Variants in ZEB2 observed in about 807,000 individuals in gnomAD.
ZEB2 encodes the protein zinc finger E-box binding homeobox 2.
Under a neutral mutation model 99.9 loss-of-function variants are expected in ZEB2, and 6 were observed. The observed-to-expected ratio is 0.06, with a 90% CI of 0.03 to 0.12. ZEB2 has a LOEUF of 0.12. Ranked by LOEUF, ZEB2 falls within the 10% of genes least tolerant of loss-of-function variation. The pLI, the probability that ZEB2 is intolerant of heterozygous loss-of-function variation, is 1.00. For missense variants in ZEB2, 969 were observed against 1,502.8 expected (o/e 0.64, Z 5.87); for synonymous variants, 517 against 542.5 (o/e 0.95, Z 0.65).
chr2:144,413,547 T>C (rs938284074), intron 4 of ZEB2, among the ~76,000 whole-genome samples: 2 of 152,216 alleles, frequency 1.3e-5, no homozygotes, highest in African/African-American at 2.4e-5. Flanking sequence ...TTCTCCACCT[T>C]ATTTTTAAAA....
chr2:144,432,291 A>T (rs1703784255), intron 2 of ZEB2, among the ~76,000 whole-genome samples: 1 of 152,160 alleles, frequency 6.6e-6, no homozygotes, highest in South Asian at 2.1e-4. Flanking sequence ...AATAGTAGTA[A>T]ATACTTTTAA....
Position 144,385,480 on chromosome 2 carries a change from A to G in ZEB2, c.*3971T>C, listed in dbSNP as rs1703069646. 6.6e-6 allele frequency: 1 copy of G among 152,182 alleles called. No homozygotes were observed. Among genetic ancestry groups the G allele is most frequent in the Non-Finnish European group, 1.5e-5 (1 of 68,026 alleles). The allele number at this position is 152,182 out of a possible 1,614,324, so 9.4% of individuals were successfully genotyped here. A position where few individuals can be genotyped will look rare whatever the true frequency, so the allele number is the denominator to read the frequency against. ...GATGAACATGCAATGTGAGATTCAA[A>G]TAATTGCATTGAGCATGTTTATTTG... On this transcript the variant is annotated 3_prime_UTR_variant, in exon 10 of 10. Transcript: ENST00000627532.
chr2:144,406,886 T>C (rs1275502172), intron 4 of ZEB2, among the ~76,000 whole-genome samples: 1 of 152,140 alleles, frequency 6.6e-6, no homozygotes, highest in Non-Finnish European at 1.5e-5. Context: ...AAAGATACTG[T>C]TAAGGAATTG....
intron 4 of ZEB2, 141 bp downstream of exon 4, chr2:144,424,655 A>C: frequency 9.9e-7 from 1 of 1,009,584 alleles, no homozygotes; most frequent in East Asian, 2.5e-5. Flanking sequence ...TTTTGATTTG[A>C]AACAAAACCA....
chr2:144,420,095 A>G (rs1257439601), intron 4 of ZEB2, among the ~76,000 whole-genome samples: 1 of 152,150 alleles, frequency 6.6e-6, no homozygotes, highest in East Asian at 1.9e-4. Context: ...TCATTCATTG[A>G]TTCATTCATT....
At chr2:144,504,673 T>TAA (rs1704928487) in intron 2 of ZEB2, 1 of 152,194 alleles carries the variant, frequency 6.6e-6, no homozygotes, top group Non-Finnish European at 1.5e-5. Context: ...AGACAAGGGC[T>TAA]TTTCACGTGT....
chr2:144,482,378 T>C (rs1445257824), intron 2 of ZEB2: 1 of 152,232 alleles, frequency 6.6e-6, no homozygotes, highest in African/African-American at 2.4e-5. Context: ...TTAATATCAT[T>C]TCTCCTCCTC....
intron 2 of ZEB2, among the ~76,000 whole-genome samples, chr2:144,507,728 A>C (rs1704970250): frequency 6.6e-6 from 1 of 152,178 alleles, no homozygotes; most frequent in Non-Finnish European, 1.5e-5. Context: ...ATCTGATGAC[A>C]CAGTGATCAT....
chr2:144,481,014 A>C (rs565210670), intron 2 of ZEB2, among the ~76,000 whole-genome samples: 4 of 152,208 alleles, frequency 2.6e-5, no homozygotes, highest in African/African-American at 9.6e-5. Flanking sequence ...TGTTAGTACC[A>C]CAATACATTG....
chr2:144,414,019 G>C (rs1560613792), intron 4 of ZEB2, among the ~76,000 whole-genome samples: 1 of 152,168 alleles, frequency 6.6e-6, no homozygotes, highest in Non-Finnish European at 1.5e-5. Context: ...TTAATTGCTG[G>C]CTAGGCTGCC....
chr2:144,479,683 T>TTG (rs1491434208), intron 2 of ZEB2, among the ~76,000 whole-genome samples: 10 of 52,548 alleles, frequency 1.9e-4, no homozygotes, highest in Non-Finnish European at 2.6e-4. Flanking sequence ...TACTTTTTTT[T>TTG]GGGGGGGGGG....
At chr2:144,496,077 T>C (rs1006506795) in intron 2 of ZEB2, 1 of 152,220 alleles carries the variant, frequency 6.6e-6, no homozygotes, top group African/African-American at 2.4e-5. Flanking sequence ...TGTCACATAG[T>C]TGTTACAAAA....
intron 2 of ZEB2, among the ~76,000 whole-genome samples, chr2:144,440,512 T>TATAC (rs1703897932): frequency 2.5e-4 from 1 of 4,058 alleles, no homozygotes; most frequent in African/African-American, 5.2e-4. Flanking sequence ...TATATATATA[T>TATAC]ATATTTTTTT....
At chr2:144,464,808 T>G (rs1026850768) in intron 2 of ZEB2, among the ~76,000 whole-genome samples, 3 of 152,194 alleles carry the variant, frequency 2.0e-5, no homozygotes, top group Non-Finnish European at 4.4e-5. Flanking sequence ...ATGAAATCCC[T>G]TTTACATACA....
chr2:144,399,423 T>C lies in ZEB2; in HGVS notation c.1764A>G (p.Glu588=). The C allele has an allele frequency of 6.2e-7, 1 of 1,614,176 alleles. No individual in the cohort carries two copies. Among genetic ancestry groups the C allele is most frequent in the Non-Finnish European group, 8.5e-7 (1 of 1,180,020 alleles). ...GCAAAGGGATGGGGCCAGGAAAACTTTCTTTACAGAACTGGCATGAAAATG... is the reference window on the plus strand; with the variant it reads ...GCAAAGGGATGGGGCCAGGAAAACTCTCTTTACAGAACTGGCATGAAAATG... ...STPFSCQFCK[E]SFPGPIPLHQ... The change falls in exon 8 of 10, where the codon GAA becomes GAG. Residue 588 remains glutamate, a synonymous_variant. Transcript: ENST00000627532. This position sits in a 1 kb window ranked among gnomAD's most constrained non-coding sequence, Gnocchi z 5.6.
At chr2:144,512,427 A>G in intron 2 of ZEB2, 1 of 1,287,248 alleles carries the variant, frequency 7.8e-7, no homozygotes, top group Non-Finnish European at 1.0e-6. Context: ...CATTTTTCCC[A>G]GGAAATATTC....
chr2:144,397,202 T>C (rs1703241481), intron 8 of ZEB2, among the ~76,000 whole-genome samples: 1 of 152,224 alleles, frequency 6.6e-6, no homozygotes, highest in Admixed American at 6.5e-5. Flanking sequence ...ATTATTAAAT[T>C]TCTTGATATT....
chr2:144,486,083 C>T (rs1374123146), intron 2 of ZEB2, among the ~76,000 whole-genome samples: 2 of 152,118 alleles, frequency 1.3e-5, no homozygotes, highest in Admixed American at 1.3e-4. Context: ...ATATTTTTAC[C>T]TATGATATGA....
chr2:144,397,641 A>ATATT (rs1446984080), intron 8 of ZEB2, among the ~76,000 whole-genome samples: 1 of 152,146 alleles, frequency 6.6e-6, no homozygotes, highest in Non-Finnish European at 1.5e-5. Flanking sequence ...GCACATCTTT[A>ATATT]TATTTATTTA....
Sources: gnomAD v4.1 joint callset for allele counts (sites outside exome capture counted in the v4.1 genomes callset) on GRCh38, gnomAD v4.1.1 for gene constraint, Gnocchi (gnomAD v3.1) non-coding constraint, MANE v1.5 for transcripts, NCBI Gene and HGNC (gene_info 2026-07-23, HGNC 2026-07-21) for gene names.